SPTA1: variants seen among roughly 807,000 people sequenced by gnomAD.
SPTA1 encodes spectrin alpha, erythrocytic 1, also known as spectrin alpha chain, erythrocytic 1.
In SPTA1, 177 loss-of-function variants were observed where a neutral mutation model predicts 324.7. The observed-to-expected ratio is 0.55, with a 90% CI of 0.48 to 0.62. The LOEUF (loss-of-function observed/expected upper bound fraction) is 0.62. Among genes scored for constraint, SPTA1 ranks in the 20% least tolerant of loss-of-function variants. SPTA1 has a pLI of 0.00. For synonymous variants in SPTA1, 1,195 were observed against 1,041.3 expected, an observed-to-expected ratio of 1.15 and a Z score of -2.84; for missense variants, 3,162 against 2,883.6, an observed-to-expected ratio of 1.10 and a Z score of -2.21.
chr1:158,613,047 A>G, intron 50 of SPTA1, 86 bp from the exon 51 acceptor site: 1 of 1,454,226 alleles, frequency 6.9e-7, no homozygotes. Flanking sequence ...TCTCAGAAAC[A>G]GAGGAAAGCC....
At chr1:158,621,602 A>T (rs1158730972) in intron 43 of SPTA1, among the ~76,000 whole-genome samples, 3 of 152,250 alleles carry the variant, frequency 2.0e-5, no homozygotes, top group African/African-American at 7.2e-5. Flanking sequence ...TAAAAAGAAG[A>T]TTAAAAATAT....
intron 39 of SPTA1, among the ~76,000 whole-genome samples, chr1:158,631,492 T>A (rs905125535): frequency 2.1e-4 from 32 of 152,104 alleles, no homozygotes; most frequent in Non-Finnish European, 3.2e-4. Context: ...AAAGACTACA[T>A]ATTGGATATA....
intron 16 of SPTA1, among the ~76,000 whole-genome samples, chr1:158,664,777 G>T (rs778347613): frequency 1.3e-5 from 2 of 152,138 alleles, no homozygotes; most frequent in Non-Finnish European, 2.9e-5. Flanking sequence ...ATAATGGAAG[G>T]ATTTTCAAAC....
intron 42 of SPTA1, among the ~76,000 whole-genome samples, 156 bp from the exon 43 acceptor site, chr1:158,623,348 T>C (rs1268149443): frequency 6.6e-6 from 1 of 152,202 alleles, no homozygotes; most frequent in African/African-American, 2.4e-5. Context: ...AAGCAAACAT[T>C]TGGGGCTGAA....
At position 158,669,579 on chromosome 1, in the gene SPTA1, G is replaced by A; in HGVS notation, c.1678-16C>T. On this transcript the variant is annotated splice_polypyrimidine_tract_variant and intron_variant, in intron 13 of 51. Coordinates refer to ENST00000643759, the MANE Select transcript of SPTA1 (RefSeq NM_003126.4). ...GGGCTAACAGCTGCAAAAACCATGA[G>A]TAAACTTACTGTCAGCACAACCAAA... 1.9e-6 allele frequency: 3 copies of A among 1,614,124 alleles called. No individual in the cohort carries two copies. Among genetic ancestry groups the A allele is most frequent in the Non-Finnish European group, 2.5e-6 (3 of 1,180,010 alleles).
intron 22 of SPTA1, 120 bp from the exon 23 acceptor site, chr1:158,652,773 A>T (rs1652547425): frequency 8.6e-7 from 1 of 1,158,122 alleles, no homozygotes; most frequent in Non-Finnish European, 1.2e-6. Flanking sequence ...ATCAAAAGCA[A>T]AAGAATAGTA....
At position 158,671,405 on chromosome 1, in the gene SPTA1, C is replaced by T; in HGVS notation, c.1537G>A (p.Ala513Thr). The T allele has an allele frequency of 2.5e-6, 4 of 1,613,344 alleles. No homozygotes were observed. The highest frequency in any genetic ancestry group is 3.4e-6 in the Non-Finnish European group (4 of 1,179,930). The change falls in exon 12 of 52, where the codon GCC (alanine) becomes ACC (threonine). Residue 513 changes from alanine to threonine, a missense_variant. Physicochemically the swap from Ala to Thr is moderately conservative, Grantham distance 58. Transcript: ENST00000643759. ...DLGNSLGSAE[A>T]LLQKHEDFEE... ...AAGTCTTCATGCTTCTGAAGAAGGG[C>T]TTCTGCACTGCCCAGTGAGTTTCCC...
At chr1:158,681,825 T>C (rs963209910) in intron 3 of SPTA1, among the ~76,000 whole-genome samples, 158 bp from the exon 4 acceptor site, 6 of 152,156 alleles carry the variant, frequency 3.9e-5, no homozygotes, top group Admixed American at 6.6e-5. Context: ...AGGATAGATA[T>C]ATGGAAATAG....
intron 17 of SPTA1, 186 bp from the exon 18 acceptor site, chr1:158,661,595 CT>C: frequency 1.4e-6 from 1 of 704,222 alleles, no homozygotes; most frequent in Non-Finnish European, 2.3e-6. Flanking sequence ...CCCCTGGCCT[CT>C]TTTTATTAAT....
In SPTA1 at chr1:158,680,623, C is replaced by G. The variant is rs1256527827; in HGVS notation, c.638G>C (p.Arg213Thr). The G allele has an allele frequency of 6.2e-7, 1 of 1,613,816 alleles. No homozygotes were observed. The highest frequency in any genetic ancestry group is 2.2e-5 in the East Asian group (1 of 44,888). Residue 213 changes from arginine (R) to threonine (T), a missense_variant, in exon 5 of 52, where the codon AGA (arginine) becomes ACA (threonine). Transcript: ENST00000643759. ...FQVELVAKEG[R>T]VVEVNQYANE... ...GGCATATTGGTTCACTTCAACAACT[C>G]TCCCTTCTTTAGCTACCAGCTCCAC...
At position 158,669,433 on chromosome 1, in the gene SPTA1, T is replaced by C. The variant is rs1653841861; in HGVS notation, c.1808A>G (p.Lys603Arg). Reference sequence around the variant, plus strand: ...CTTGTAATCTTCATCATCTGCCAACTTTTTCTTCTTGTTGATCCAGTTCTT... The same window carrying C: ...CTTGTAATCTTCATCATCTGCCAACCTTTTCTTCTTGTTGATCCAGTTCTT... Reference protein sequence around the residue: ...DLKNWINKKKKLADDEDYKDI... With the variant: ...DLKNWINKKKRLADDEDYKDI... Residue 603 changes from lysine to arginine, a missense_variant, in exon 14 of 52, where the codon AAG (lysine) becomes AGG (arginine). Lys to Arg is a conservative substitution (Grantham distance 26, BLOSUM62 2). Coordinates refer to ENST00000643759, the MANE Select transcript of SPTA1 (RefSeq NM_003126.4). The C allele has an allele frequency of 6.2e-7, 1 of 1,614,138 alleles. No individual in the cohort carries two copies. The highest frequency in any genetic ancestry group is 1.3e-5 in the African/African-American group (1 of 75,056).
intron 2 of SPTA1, among the ~76,000 whole-genome samples, chr1:158,684,353 A>G (rs931006665): frequency 8.5e-5 from 13 of 152,062 alleles, no homozygotes; most frequent in African/African-American, 2.7e-4. Flanking sequence ...AGAGTGGAGG[A>G]CAGTTGCTTC....
At chr1:158,670,773 T>C (rs994788848) in intron 12 of SPTA1, among the ~76,000 whole-genome samples, 9 of 151,958 alleles carry the variant, frequency 5.9e-5, no homozygotes, top group Non-Finnish European at 4.4e-5. Flanking sequence ...GATAAAGATA[T>C]ACTATAAAGG....
chr1:158,685,473 T>C lies in SPTA1; in HGVS notation c.25-126A>G, dbSNP rs551674607. On this transcript the variant is annotated intron_variant, in intron 1 of 51. Transcript: ENST00000643759. ...CAGATATCCTGAAGTTTCTAGGGAC[T>C]ATTGTCAGAAGAGCTGTAGTATATT... is the stretch of plus-strand genomic sequence containing the variant. 6.3e-5 allele frequency: 85 copies of C among 1,339,678 alleles called. No individual in the cohort carries two copies. In the South Asian group the frequency reaches 1.0e-3, roughly 17 times the overall value. The allele number at this position is 1,339,678 out of a possible 1,614,324, so 83.0% of individuals were successfully genotyped here.
At chr1:158,658,654 C>T (rs575426875) in intron 18 of SPTA1, among the ~76,000 whole-genome samples, 9 of 152,064 alleles carry the variant, frequency 5.9e-5, no homozygotes, top group South Asian at 4.2e-4. Context: ...CAACAATCAC[C>T]GAGCTGAATA....
chr1:158,672,104 G>A lies in SPTA1; in HGVS notation c.1443C>T (p.Phe481=). The A allele has an allele frequency of 6.2e-7, 1 of 1,614,088 alleles. No individual in the cohort carries two copies. Among genetic ancestry groups the A allele is most frequent in the Non-Finnish European group, 8.5e-7 (1 of 1,179,980 alleles). The change falls in exon 11 of 52, where the codon TTC becomes TTT. Residue 481 remains phenylalanine, a synonymous_variant. Coordinates refer to ENST00000643759, the MANE Select transcript of SPTA1 (RefSeq NM_003126.4). ...TGTCCACTTGCTCACTGTCTCTGTA[G>A]AAGAGATGAAAGTCCAAGCACTGCT... ...QYEQCLDFHL[F]YRDSEQVDSW... is the part of the protein sequence containing the mutation.
intron 15 of SPTA1, 50 bp downstream of exon 15, chr1:158,667,808 A>G (rs1269927597): frequency 1.9e-6 from 3 of 1,581,374 alleles, no homozygotes; most frequent in Non-Finnish European, 2.6e-6. Context: ...TAAAGGTAGT[A>G]GATTTCAGAA....
At chr1:158,672,859 G>A (rs1413205636) in intron 10 of SPTA1, among the ~76,000 whole-genome samples, 2 of 151,952 alleles carry the variant, frequency 1.3e-5, no homozygotes, top group East Asian at 3.9e-4. Context: ...CACTTTGGGA[G>A]GCCAAGGTGG....
At chr1:158,679,959 T>A (rs1654679521) in intron 5 of SPTA1, among the ~76,000 whole-genome samples, 1 of 152,160 alleles carries the variant, frequency 6.6e-6, no homozygotes, top group Admixed American at 6.6e-5. Context: ...ACTATAGAGC[T>A]GCAATCATAA....
Sources: allele counts gnomAD v4.1 joint callset (sites outside exome capture counted in the v4.1 genomes callset), GRCh38; gene constraint gnomAD v4.1.1; transcripts MANE v1.5; gene names NCBI Gene and HGNC (gene_info 2026-07-23, HGNC 2026-07-21).